The following DEPDC5 variants were observed in gnomAD, a reference collection of about 807,000 sequenced individuals.
DEPDC5 encodes the protein GATOR1 complex protein DEPDC5.
In DEPDC5, 73 loss-of-function variants were observed where a neutral mutation model predicts 217.3. That is an observed-to-expected ratio of 0.34 (90% CI 0.28 to 0.41). The LOEUF is 0.41. Among genes scored for constraint, DEPDC5 ranks in the 10% least tolerant of loss-of-function variants. The pLI is 1.00. For synonymous variants in DEPDC5, 733 were observed against 756.7 expected (o/e 0.97, Z 0.51); for missense variants, 1,675 against 2,070.1 (o/e 0.81, Z 3.70).
chr22:31,756,886 A>G (rs541922685), intron 2 of DEPDC5, among the ~76,000 whole-genome samples: 2 of 151,522 alleles, frequency 1.3e-5, no homozygotes, highest in Admixed American at 6.6e-5. Context: ...ATGCCACTAC[A>G]CTCCAGCCTG....
chr22:31,806,002 A>G (rs1216540318), intron 17 of DEPDC5, 120 bp from the exon 18 acceptor site: 7 of 752,308 alleles, frequency 9.3e-6, no homozygotes, highest in African/African-American at 1.8e-5. Context: ...TGGGAAGATT[A>G]GTGAAGCTGA....
chr22:31,758,534 A>AT lies in DEPDC5; in HGVS notation c.59-10dup, dbSNP rs1207797660. 5 of 1,613,492 alleles carry AT rather than the reference A, an allele frequency of 3.1e-6. No homozygotes were observed. In the African/African-American group the frequency reaches 6.7e-5, roughly 22 times the overall value. On this transcript the variant is annotated splice_polypyrimidine_tract_variant and intron_variant, in intron 2 of 42. Coordinates refer to ENST00000651528, the MANE Select transcript of DEPDC5 (RefSeq NM_001242896.3). The stretch of plus-strand genomic sequence containing the variant: ...GTGTTTTTCTACTTGAAGTGGCTGA[A>AT]TTGTCTTTCAGATGATGAGCTAGTT...
rs902282088 is a variant in DEPDC5 at position 31,804,807 on chromosome 22, G to A, written c.1144-35G>A. On this transcript the variant is annotated intron_variant, in intron 16 of 42. Coordinates refer to ENST00000651528, the MANE Select transcript of DEPDC5 (RefSeq NM_001242896.3). ...AGCAGTTCCAAAACCTACTTGTTCT[G>A]TAGCTTATCTGTGCTCTCATTTTTC... 6.2e-6 allele frequency: 10 copies of A among 1,600,634 alleles called. No homozygotes were observed. In the Admixed American group the frequency reaches 1.5e-4, roughly 25 times the overall value.
chr22:31,834,262 C>T, intron 25 of DEPDC5: 2 of 421,904 alleles, frequency 4.7e-6, no homozygotes, highest in South Asian at 3.5e-5. Flanking sequence ...AGCTGGCCTT[C>T]ACCCTTAACT....
chr22:31,901,880 AT>A, intron 41 of DEPDC5, 78 bp downstream of exon 41: 9 of 1,369,124 alleles, frequency 6.6e-6, no homozygotes, highest in Non-Finnish European at 7.2e-6. Flanking sequence ...AGTGAAACTC[AT>A]TTTTTTAGCT....
At chr22:31,895,709 CA>C (rs1448155545) in intron 39 of DEPDC5, among the ~76,000 whole-genome samples, 4 of 150,802 alleles carry the variant, frequency 2.7e-5, no homozygotes, top group Non-Finnish European at 1.5e-5. Flanking sequence ...TTTTTTTGTC[CA>C]GAGCTCATAG....
intron 38 of DEPDC5, chr22:31,891,266 T>C: frequency 1.9e-6 from 1 of 526,160 alleles, no homozygotes; most frequent in South Asian, 1.7e-5. Flanking sequence ...TAATTACCTC[T>C]TAATGCAAAA....
intron 24 of DEPDC5, among the ~76,000 whole-genome samples, chr22:31,829,651 G>A (rs1602234035): frequency 6.6e-6 from 1 of 152,094 alleles, no homozygotes; most frequent in South Asian, 2.1e-4. Context: ...TCCTGCATTT[G>A]GACATGATTC....
chr22:31,839,518 A>ACC lies in DEPDC5; in HGVS notation c.2515+679_2515+680dup, dbSNP rs136859. 3.5e-4 allele frequency among the ~76,000 whole-genome samples: 52 copies of ACC among 149,490 alleles called. No homozygotes were observed. The South Asian group carries it at 3.6e-3, about 10-fold the overall frequency. On this transcript the variant is annotated intron_variant, in intron 27 of 42. Coordinates refer to ENST00000651528, the MANE Select transcript of DEPDC5 (RefSeq NM_001242896.3). ...CTGTCTCTTCATTATTGCTAACAAG[A>ACC]CCCCCCCTCCCCTGATCACCTAGTG...
chr22:31,774,401 G>GA (rs1317619919), intron 7 of DEPDC5, among the ~76,000 whole-genome samples: 2 of 151,578 alleles, frequency 1.3e-5, no homozygotes, highest in African/African-American at 4.8e-5. Flanking sequence ...GTTTCACCAT[G>GA]TTTTTCAGGC....
chr22:31,828,780 T>G (rs942460211), intron 24 of DEPDC5, among the ~76,000 whole-genome samples: 1 of 152,212 alleles, frequency 6.6e-6, no homozygotes, highest in African/African-American at 2.4e-5. Flanking sequence ...TGCTAAGGCC[T>G]GAGAAGAAAC....
intron 41 of DEPDC5, 101 bp from the exon 42 acceptor site, chr22:31,905,883 C>T: frequency 9.7e-7 from 1 of 1,033,426 alleles, no homozygotes; most frequent in South Asian, 1.5e-5. Flanking sequence ...TTCCAGATCT[C>T]TGTGTCTCAG....
chr22:31,893,304 C>G (rs926277924), intron 38 of DEPDC5, among the ~76,000 whole-genome samples: 1 of 152,068 alleles, frequency 6.6e-6, no homozygotes, highest in Non-Finnish European at 1.5e-5. Flanking sequence ...CAGCCAGGCA[C>G]CTTCATTATG....
At chr22:31,758,402 A>G (rs1050552089) in intron 2 of DEPDC5, 144 bp from the exon 3 acceptor site, 4 of 686,388 alleles carry the variant, frequency 5.8e-6, no homozygotes, top group East Asian at 5.5e-5. Context: ...TCCATTAGTC[A>G]TTGTAAGCCT....
At chr22:31,760,620 A>G (rs202081676) in intron 3 of DEPDC5, 36 bp from the exon 4 acceptor site, 4 of 1,599,316 alleles carry the variant, frequency 2.5e-6, no homozygotes, top group Admixed American at 3.5e-5. Context: ...GTTACTGTTC[A>G]CGGTATCCCA....
intron 30 of DEPDC5, among the ~76,000 whole-genome samples, chr22:31,845,594 C>T (rs571510915): frequency 6.6e-6 from 1 of 152,184 alleles, no homozygotes; most frequent in Non-Finnish European, 1.5e-5. Flanking sequence ...TCCTTCCTCA[C>T]TCTTCTTGCT....
At position 31,792,778 on chromosome 22, in the gene DEPDC5, G is replaced by A. The variant is rs368129922; in HGVS notation, c.728G>A (p.Arg243Gln). 1.0e-5 allele frequency: 16 copies of A among 1,552,606 alleles called. No homozygotes were observed. The highest frequency in any genetic ancestry group is 1.4e-5 in the Non-Finnish European group (16 of 1,158,876). Reference protein sequence around the residue: ...EFPEINRASIRQDHKGRFYED... With the variant: ...EFPEINRASIQQDHKGRFYED... ...CCTGAAATAAACCGAGCCTCAATTC[G>A]ACAGGATCACAAGGGGAGATTCTAT... Residue 243 changes from arginine (R) to glutamine (Q), a missense_variant, in exon 12 of 43, where the codon CGA becomes CAA. Around this residue, in one of 11 missense-constraint regions of DEPDC5, gnomAD observed 628 missense variants for 762.1 expected, o/e 0.82. Transcript: ENST00000651528.
Position 31,905,349 on chromosome 22 carries a change from C to G in DEPDC5, c.4437-635C>G, listed in dbSNP as rs188315072. On this transcript the variant is annotated intron_variant, in intron 41 of 42. Coordinates refer to ENST00000651528, the MANE Select transcript of DEPDC5 (RefSeq NM_001242896.3). ...CAAAAATTAGCCAGGCATGGTGGCA[C>G]ATGCCTGTAATCCCAGCTACTCAGG... Among the ~76,000 whole-genome samples the G allele has an allele frequency of 2.6e-3, 393 of 151,708 alleles. 1 individual carries two copies. The highest frequency in any genetic ancestry group is 4.2e-3 in the Non-Finnish European group (285 of 67,898).
chr22:31,775,896 C>T (rs2083788455), intron 7 of DEPDC5, among the ~76,000 whole-genome samples: 1 of 151,652 alleles, frequency 6.6e-6, no homozygotes, highest in Non-Finnish European at 1.5e-5. Context: ...AAAAAATTAG[C>T]TGGGCATGGT....
Sources: allele counts gnomAD v4.1 joint callset (sites outside exome capture counted in the v4.1 genomes callset), GRCh38; gene constraint gnomAD v4.1.1; regional missense constraint gnomAD v4.1.1; transcripts MANE v1.5; gene names NCBI Gene and HGNC (gene_info 2026-07-23, HGNC 2026-07-21).